ZNF98: variants seen among roughly 807,000 people sequenced by gnomAD.
The protein encoded by ZNF98 is zinc finger protein 98.
A neutral mutation model predicts 12.8 loss-of-function variants in ZNF98; 8 were observed. The ratio of observed to expected loss-of-function variants is 0.63; its 90% CI spans 0.37 to 1.13. The LOEUF is 1.13. Ranked by LOEUF, ZNF98 falls within the 50% of genes most tolerant of loss-of-function variation. The probability of loss-of-function intolerance (pLI) is 0.01; values close to 1 mark genes in which losing one functional copy is unlikely to be tolerated. For missense variants in ZNF98, 379 were observed against 666.1 expected, an observed-to-expected ratio of 0.57 and a Z score of 4.74; for synonymous variants, 112 against 223.5, an observed-to-expected ratio of 0.50 and a Z score of 4.45.
chr19:22,414,232 C>CAAAAAAAAAAAAAAAAAAAAAAAAAAA (rs57966582), intron 1 of ZNF98, among the ~76,000 whole-genome samples: 2 of 89,392 alleles, frequency 2.2e-5, no homozygotes, highest in African/African-American at 6.2e-5. Context: ...GACTCCATCT[C>CAAAAAAAAAAAAAAAAAAAAAAAAAAA]AAAAAAAAAA....
intron 1 of ZNF98, among the ~76,000 whole-genome samples, chr19:22,409,963 C>A (rs529102424): frequency 6.8e-6 from 1 of 147,012 alleles, no homozygotes; most frequent in Admixed American, 6.8e-5. Flanking sequence ...ACAAACACTT[C>A]TAAGAAGGCA....
Position 22,391,320 on chromosome 19 carries a change from A to C in ZNF98, c.*196T>G. ...GCTGAATAAGATGTGTGCAGATATT[A>C]ATCACTTTTTTACTTTCTTTATATT... On this transcript the variant is annotated 3_prime_UTR_variant, in exon 4 of 4. Transcript: ENST00000357774. 1 of 1,149,750 alleles carries C rather than the reference A, an allele frequency of 8.7e-7. No homozygotes were observed. The highest frequency in any genetic ancestry group is 1.2e-6 in the Non-Finnish European group (1 of 834,398). The allele number at this position is 1,149,750 out of a possible 1,614,324, so 71.2% of individuals were successfully genotyped here.
At chr19:22,412,640 T>TAAAAA (rs61327036) in intron 1 of ZNF98, among the ~76,000 whole-genome samples, 19 of 139,452 alleles carry the variant, frequency 1.4e-4, no homozygotes, top group Non-Finnish European at 2.8e-4. Flanking sequence ...AGTAAAATCT[T>TAAAAA]AAAAAAAAAA....
At chr19:22,414,623 G>A (rs1365135479) in intron 1 of ZNF98, among the ~76,000 whole-genome samples, 2 of 152,010 alleles carry the variant, frequency 1.3e-5, no homozygotes, top group African/African-American at 4.8e-5. Context: ...AAGCTAACAA[G>A]AGGAATCTGG....
chr19:22,405,398 G>C (rs1330324073), intron 1 of ZNF98, among the ~76,000 whole-genome samples: 1 of 151,988 alleles, frequency 6.6e-6, no homozygotes, highest in Non-Finnish European at 1.5e-5. Context: ...AGGTATCCAG[G>C]TTCTCTCATC....
At chr19:22,409,509 C>T (rs1272444387) in intron 1 of ZNF98, among the ~76,000 whole-genome samples, 2 of 152,196 alleles carry the variant, frequency 1.3e-5, no homozygotes, top group Middle Eastern at 3.4e-3. Flanking sequence ...CAGCAACCTA[C>T]AGAATAGGAG....
chr19:22,394,606 T>C (rs995797915), intron 3 of ZNF98, among the ~76,000 whole-genome samples: 1 of 151,704 alleles, frequency 6.6e-6, no homozygotes, highest in African/African-American at 2.4e-5. Flanking sequence ...AAACACCGCA[T>C]GTTCTCACTC....
chr19:22,402,447 T>C (rs539857748), intron 3 of ZNF98: 13 of 407,148 alleles, frequency 3.2e-5, no homozygotes, highest in South Asian at 1.1e-4. Context: ...CAGTTTAACA[T>C]AGAGTTTCTC....
At chr19:22,421,423 C>A (rs1969702275) in intron 1 of ZNF98, among the ~76,000 whole-genome samples, 1 of 152,096 alleles carries the variant, frequency 6.6e-6, no homozygotes, top group African/African-American at 2.4e-5. Flanking sequence ...ATCAGTCCCA[C>A]GTGGCGGCAA....
chr19:22,407,204 G>A (rs374080279), intron 1 of ZNF98, among the ~76,000 whole-genome samples: 5 of 151,666 alleles, frequency 3.3e-5, no homozygotes, highest in Non-Finnish European at 4.4e-5. Context: ...TTACAGGCGC[G>A]TGCCACCATG....
At chr19:22,406,207 G>A (rs1308563623) in intron 1 of ZNF98, among the ~76,000 whole-genome samples, 1 of 152,092 alleles carries the variant, frequency 6.6e-6, no homozygotes, top group Non-Finnish European at 1.5e-5. Flanking sequence ...ACTCTATACA[G>A]GAGTGTTCCT....
chr19:22,401,629 G>A (rs945180627), intron 3 of ZNF98, among the ~76,000 whole-genome samples: 28 of 151,514 alleles, frequency 1.8e-4, no homozygotes, highest in Non-Finnish European at 3.1e-4. Context: ...AATTACAGGC[G>A]CCTGTCACCA....
intron 3 of ZNF98, among the ~76,000 whole-genome samples, chr19:22,395,876 G>GGGA (rs1555703540): frequency 6.9e-6 from 1 of 145,734 alleles, no homozygotes; most frequent in African/African-American, 2.5e-5. Context: ...TGAGGGGGGG[G>GGGA]AAAAAAAAAA....
intron 3 of ZNF98, among the ~76,000 whole-genome samples, chr19:22,395,193 AAAAAG>A (rs1969377153): frequency 2.0e-5 from 3 of 151,298 alleles, no homozygotes; most frequent in Admixed American, 1.3e-4. Flanking sequence ...AAAAAAAAAA[AAAAAG>A]AAAAGAAACA....
At chr19:22,396,464 G>A (rs1472662808) in intron 3 of ZNF98, among the ~76,000 whole-genome samples, 1 of 152,022 alleles carries the variant, frequency 6.6e-6, no homozygotes, top group African/African-American at 2.4e-5. Context: ...GAGAGAAAAT[G>A]AGAAACAAAG....
At chr19:22,407,680 C>T (rs1466483076) in intron 1 of ZNF98, among the ~76,000 whole-genome samples, 2 of 146,170 alleles carry the variant, frequency 1.4e-5, no homozygotes, top group African/African-American at 5.1e-5. Context: ...CCACTATACT[C>T]CAACCTGGAT....
intron 1 of ZNF98, among the ~76,000 whole-genome samples, chr19:22,412,020 G>A (rs1471757992): frequency 6.6e-6 from 1 of 152,154 alleles, no homozygotes; most frequent in African/African-American, 2.4e-5. Flanking sequence ...CATTATTGAG[G>A]CAGAAAATTA....
At position 22,411,191 on chromosome 19, in the gene ZNF98, C is replaced by A. The variant is rs113656212; in HGVS notation, c.31-7679G>T. Among the ~76,000 whole-genome samples, 508 of 151,804 alleles carry A rather than the reference C, an allele frequency of 3.3e-3. 4 individuals carry two copies. Among genetic ancestry groups the A allele is most frequent in the African/African-American group, 0.012 (493 of 41,474 alleles). ...CCGAGTAGCTGGAACTACAGGCATG[C>A]GCCACCATGCCTGGCTAATTTTTTT... On this transcript the variant is annotated intron_variant, in intron 1 of 3. Coordinates refer to ENST00000357774, the MANE Select transcript of ZNF98 (RefSeq NM_001098626.2).
Position 22,396,321 on chromosome 19 carries a change from A to T in ZNF98, c.254-3340T>A, listed in dbSNP as rs564236521. On this transcript the variant is annotated intron_variant, in intron 3 of 3. Coordinates refer to ENST00000357774, the MANE Select transcript of ZNF98 (RefSeq NM_001098626.2). ...GAGATTTATTTTATACCAAATTAAA[A>T]CTATACTGTTGTTTCTTATAGAAGT... Among the ~76,000 whole-genome samples the T allele has an allele frequency of 3.7e-3, 563 of 152,216 alleles. 1 individual carries two copies. Among genetic ancestry groups the T allele is most frequent in the African/African-American group, 0.013 (539 of 41,564 alleles).
Sources: allele counts gnomAD v4.1 joint callset (sites outside exome capture counted in the v4.1 genomes callset), GRCh38; gene constraint gnomAD v4.1.1; transcripts MANE v1.5; gene names NCBI Gene and HGNC (gene_info 2026-07-23, HGNC 2026-07-21).